Variants in OR2T2 observed in about 807,000 individuals in gnomAD.
OR2T2 encodes olfactory receptor family 2 subfamily T member 2.
For missense variants in OR2T2, 138 were observed against 409.1 expected (o/e 0.34, Z 5.72); for synonymous variants, 50 against 162.7 (o/e 0.31, Z 5.27).
At chr1:248,453,932 G>A (rs573007289) in exon 3 of OR2T2, 2 of 834,090 alleles carry the variant, frequency 2.4e-6, no homozygotes, top group Admixed American at 2.6e-5. Context: ...AGAAAATATG[G>A]TATTGGTTCT....
exon 2 of OR2T2, chr1:248,446,661 C>G (rs1214580066): frequency 8.1e-5 from 12 of 148,236 alleles, no homozygotes; most frequent in Non-Finnish European, 1.6e-4. Flanking sequence ...CGAACTGACA[C>G]TGCTGCCCAG....
chr1:248,449,828 C>CTT lies in OR2T2; in HGVS notation c.-22-2934_-22-2933dup, dbSNP rs777942474. ...GCTTTTTCTTTTTCTTTTTCTTTTT[C>CTT]TTTTTTTTTTTTTTTGGAAAGACTA... On this transcript the variant is annotated intron_variant, in intron 2 of 2. Coordinates refer to ENST00000642130, the Ensembl canonical transcript of OR2T2. Among the ~76,000 whole-genome samples, 298 of 115,278 alleles carry CTT rather than the reference C, an allele frequency of 2.6e-3. 19 individuals are homozygous for CTT. Among genetic ancestry groups the CTT allele is most frequent in the African/African-American group, 0.014 (266 of 19,540 alleles). The allele number at this position is 115,278 out of a possible 152,430, so 75.6% of individuals were successfully genotyped here. A position where few individuals can be genotyped will look rare whatever the true frequency, so the allele number is the denominator to read the frequency against.
chr1:248,447,072 G>GGT (rs1170382983), intron 2 of OR2T2, among the ~76,000 whole-genome samples: 2 of 151,992 alleles, frequency 1.3e-5, no homozygotes, highest in Non-Finnish European at 2.9e-5. Flanking sequence ...GATAAAGGGG[G>GGT]GTGGTAACTA....
At chr1:248,453,956 T>A in exon 3 of OR2T2, 4 of 643,336 alleles carry the variant, frequency 6.2e-6, no homozygotes, top group Middle Eastern at 3.0e-4. Flanking sequence ...GAATGTTCAG[T>A]GTCACTTTCA....
intron 1 of OR2T2, among the ~76,000 whole-genome samples, chr1:248,446,166 T>C (rs1209012413): frequency 7.5e-6 from 1 of 133,526 alleles, no homozygotes; most frequent in Admixed American, 7.1e-5. Context: ...AAATCATGAT[T>C]TTTTTTTTTC....
chr1:248,447,653 CCT>C (rs1356681277), intron 2 of OR2T2, among the ~76,000 whole-genome samples: 3 of 151,414 alleles, frequency 2.0e-5, no homozygotes, highest in Admixed American at 2.0e-4. Context: ...GACCGGTTTC[CCT>C]CTCTACTATT....
intron 2 of OR2T2, among the ~76,000 whole-genome samples, chr1:248,449,828 C>CTTT (rs777942474): frequency 1.0e-4 from 12 of 115,298 alleles, no homozygotes; most frequent in African/African-American, 4.1e-4. Context: ...TTTTCTTTTT[C>CTTT]TTTTTTTTTT....
intron 2 of OR2T2, among the ~76,000 whole-genome samples, chr1:248,450,403 A>C (rs1270281397): frequency 7.4e-6 from 1 of 134,926 alleles, no homozygotes; most frequent in Non-Finnish European, 1.5e-5. Context: ...CTAAAATCAT[A>C]TCTTTCTCCT....
chr1:248,446,645 A>C (rs1043064798), exon 2 of OR2T2: 10 of 147,962 alleles, frequency 6.8e-5, no homozygotes, highest in African/African-American at 2.1e-4. Flanking sequence ...TCTATTTGCC[A>C]CCACACGAAC....
chr1:248,448,309 GAA>G (rs1174136705), intron 2 of OR2T2, among the ~76,000 whole-genome samples: 422 of 142,158 alleles, frequency 3.0e-3, no homozygotes, highest in African/African-American at 0.011. Context: ...ACATCAAACT[GAA>G]AAAGTTATAG....
chr1:248,449,640 G>C (rs1280458032), intron 2 of OR2T2, among the ~76,000 whole-genome samples: 2 of 136,040 alleles, frequency 1.5e-5, no homozygotes, highest in Non-Finnish European at 3.0e-5. Flanking sequence ...CTCTCGGCTT[G>C]ATCTTCCCAC....
chr1:248,449,828 C>CTTTTTCTTTTTCT (rs1553319226), intron 2 of OR2T2, among the ~76,000 whole-genome samples: 35 of 115,258 alleles, frequency 3.0e-4, no homozygotes, highest in Non-Finnish European at 4.9e-4. Context: ...TTTTCTTTTT[C>CTTTTTCTTTTTCT]TTTTTTTTTT....
At chr1:248,450,522 A>G (rs1180304038) in intron 2 of OR2T2, among the ~76,000 whole-genome samples, 1,300 of 149,646 alleles carry the variant, frequency 8.7e-3, no homozygotes, top group African/African-American at 0.032. Context: ...ATAGTGTTTT[A>G]CCTCCTCTTT....
exon 3 of OR2T2, chr1:248,453,961 C>CCG (rs1662882625): frequency 1.6e-6 from 1 of 629,748 alleles, no homozygotes; most frequent in African/African-American, 2.2e-5. Context: ...TTCAGTGTCA[C>CCG]TTTCAGCAAT....
chr1:248,447,646 C>T (rs1445178021), intron 2 of OR2T2, among the ~76,000 whole-genome samples: 13 of 151,406 alleles, frequency 8.6e-5, no homozygotes, highest in African/African-American at 2.9e-4. Flanking sequence ...GGAATCAGAC[C>T]GGTTTCCCTC....
At chr1:248,449,132 ATG>A (rs879762464) in intron 2 of OR2T2, 60 bp from the exon 3 acceptor site, 346 of 146,254 alleles carry the variant, frequency 2.4e-3, no homozygotes, top group Non-Finnish European at 4.0e-3. Flanking sequence ...TGAACACGGA[ATG>A]TGTTTGTGCT....
In OR2T2 at chr1:248,445,678, C is replaced by T. The variant is rs1488622471; in HGVS notation, c.-246+9C>T. ...GACCCAGCTTCTCTGAGGTAGGATC[C>T]TTAGATCTTCATGAAAAACAGAACA... On this transcript the variant is annotated intron_variant, in intron 1 of 2. Transcript: ENST00000642130. The T allele has an allele frequency of 6.6e-6, 1 of 152,344 alleles. No homozygotes were observed. Among genetic ancestry groups the T allele is most frequent in the Non-Finnish European group, 1.5e-5 (1 of 68,152 alleles). 9.4% of individuals were successfully genotyped at this position (152,344 alleles called of 1,614,324 possible). A position where few individuals can be genotyped will look rare whatever the true frequency, so the allele number is the denominator to read the frequency against.
chr1:248,454,851 A>G (rs1662899867), exon 3 of OR2T2: 1 of 94,488 alleles, frequency 1.1e-5, no homozygotes, highest in Admixed American at 1.2e-4. Flanking sequence ...AGATTGTTAC[A>G]TGGCCAAAAA....
At chr1:248,447,599 C>G (rs1471859242) in intron 2 of OR2T2, among the ~76,000 whole-genome samples, 2 of 150,936 alleles carry the variant, frequency 1.3e-5, no homozygotes, top group Non-Finnish European at 1.5e-5. Context: ...TTTACATTGT[C>G]TCTGATCATG....
Sources: gnomAD v4.1 joint callset for allele counts (sites outside exome capture counted in the v4.1 genomes callset) on GRCh38, gnomAD v4.1.1 for gene constraint, MANE v1.5 for transcripts, NCBI Gene and HGNC (gene_info 2026-07-23, HGNC 2026-07-21) for gene names.